The following CAMK1D variants were observed in gnomAD, a reference collection of about 807,000 sequenced individuals.
The protein encoded by CAMK1D is calcium/calmodulin-dependent protein kinase type 1D.
A neutral mutation model predicts 47.7 loss-of-function variants in CAMK1D; 9 were observed. That is an observed-to-expected ratio of 0.19 (90% CI 0.11 to 0.33). The LOEUF is 0.33. Among genes scored for constraint, CAMK1D ranks in the 10% least tolerant of loss-of-function variants. The pLI, the probability that CAMK1D is intolerant of heterozygous loss-of-function variation, is 1.00. For missense variants in CAMK1D, 291 were observed against 488.7 expected, an observed-to-expected ratio of 0.60 and a Z score of 3.81; for synonymous variants, 184 against 184.9, an observed-to-expected ratio of 0.99 and a Z score of 0.04.
intron 2 of CAMK1D, among the ~76,000 whole-genome samples, chr10:12,664,947 C>G (rs77726212): frequency 0.046 from 6,960 of 152,120 alleles, 212 homozygotes; most frequent in Non-Finnish European, 0.066. Flanking sequence ...ACAATTTTTC[C>G]AAAAAGGGAA....
rs574468789 is a variant in CAMK1D at position 12,659,854 on chromosome 10, C to T, written c.225-6882C>T. Among the ~76,000 whole-genome samples the T allele has an allele frequency of 6.6e-5, 10 of 152,262 alleles. No individual in the cohort carries two copies. The South Asian group carries it at 1.0e-3, about 16-fold the overall frequency. ...CCTGGTCCTCTATGGCCTTTGCTTGCGGAGAGAGGCCTTTCCCAGACTAGA... is the reference window on the plus strand; with the variant it reads ...CCTGGTCCTCTATGGCCTTTGCTTGTGGAGAGAGGCCTTTCCCAGACTAGA... On this transcript the variant is annotated intron_variant, in intron 2 of 10. Coordinates refer to ENST00000619168, the MANE Select transcript of CAMK1D (RefSeq NM_153498.4).
chr10:12,759,015 G>T (rs545356261), intron 3 of CAMK1D, among the ~76,000 whole-genome samples: 37 of 152,326 alleles, frequency 2.4e-4, no homozygotes, highest in African/African-American at 8.9e-4. Flanking sequence ...GCATGTAATG[G>T]GCACCCAGGA....
intron 6 of CAMK1D, 98 bp downstream of exon 6, chr10:12,791,331 T>A: frequency 9.3e-7 from 1 of 1,071,520 alleles, no homozygotes; most frequent in South Asian, 1.3e-5. Context: ...AAGGGTACAG[T>A]TTAAGGGTGC....
chr10:12,538,239 G>A (rs1259902062), intron 1 of CAMK1D, among the ~76,000 whole-genome samples: 1 of 152,130 alleles, frequency 6.6e-6, no homozygotes, highest in Admixed American at 6.6e-5. Context: ...CCGTATCATT[G>A]CCTGTGACAT....
At chr10:12,664,806 C>A (rs1840378409) in intron 2 of CAMK1D, among the ~76,000 whole-genome samples, 1 of 152,232 alleles carries the variant, frequency 6.6e-6, no homozygotes, top group Admixed American at 6.5e-5. Context: ...CATGCATTTT[C>A]TCTGGCCACT....
At chr10:12,536,364 C>T (rs1440098023) in intron 1 of CAMK1D, among the ~76,000 whole-genome samples, 3 of 152,132 alleles carry the variant, frequency 2.0e-5, no homozygotes, top group Non-Finnish European at 4.4e-5. Flanking sequence ...CTGCAGCCTC[C>T]GCCTCCCAGG....
chr10:12,694,112 T>TATAAAAA (rs1362070755), intron 3 of CAMK1D, among the ~76,000 whole-genome samples: 1 of 47,746 alleles, frequency 2.1e-5, no homozygotes, highest in African/African-American at 8.2e-5. Context: ...ATATATAATA[T>TATAAAAA]ATATTATGCA....
At chr10:12,637,826 G>C (rs1839552380) in intron 2 of CAMK1D, among the ~76,000 whole-genome samples, 1 of 152,148 alleles carries the variant, frequency 6.6e-6, no homozygotes, top group South Asian at 2.1e-4. Flanking sequence ...GGTGGAGAAG[G>C]GAAGGAGACG....
At chr10:12,494,049 G>A (rs1834465003) in intron 1 of CAMK1D, among the ~76,000 whole-genome samples, 1 of 152,234 alleles carries the variant, frequency 6.6e-6, no homozygotes, top group African/African-American at 2.4e-5. Flanking sequence ...GGTTAATGTA[G>A]TGAACATCTC....
At chr10:12,766,836 C>G (rs1467463589) in intron 4 of CAMK1D, among the ~76,000 whole-genome samples, 1 of 152,152 alleles carries the variant, frequency 6.6e-6, no homozygotes, top group South Asian at 2.1e-4. Flanking sequence ...GACAGGGCTG[C>G]GCAGGCCTGG....
At chr10:12,783,938 A>G (rs1837608996) in intron 5 of CAMK1D, among the ~76,000 whole-genome samples, 1 of 152,158 alleles carries the variant, frequency 6.6e-6, no homozygotes, top group Non-Finnish European at 1.5e-5. Flanking sequence ...GAGAAGGACC[A>G]CATCTCTCCA....
chr10:12,486,760 G>A (rs1458254230), intron 1 of CAMK1D, among the ~76,000 whole-genome samples: 1 of 152,132 alleles, frequency 6.6e-6, no homozygotes, highest in Non-Finnish European at 1.5e-5. Context: ...TTACAGCCCC[G>A]AGGGGCCCAC....
At chr10:12,610,055 T>C (rs946948458) in intron 2 of CAMK1D, among the ~76,000 whole-genome samples, 14 of 152,090 alleles carry the variant, frequency 9.2e-5, no homozygotes, top group African/African-American at 3.4e-4. Flanking sequence ...CTTGGGGCAG[T>C]GTTGGGAGGA....
intron 1 of CAMK1D, among the ~76,000 whole-genome samples, chr10:12,410,430 T>G (rs1024062255): frequency 6.6e-6 from 1 of 152,184 alleles, no homozygotes; most frequent in Non-Finnish European, 1.5e-5. Flanking sequence ...GCCCCCTACC[T>G]CCTGAAGGTG....
chr10:12,424,159 T>G (rs1312909147), intron 1 of CAMK1D, among the ~76,000 whole-genome samples: 3 of 152,120 alleles, frequency 2.0e-5, no homozygotes, highest in African/African-American at 7.2e-5. Context: ...CCAGGCCCTC[T>G]TCTTGAACTC....
At chr10:12,719,130 G>A (rs750923612) in intron 3 of CAMK1D, among the ~76,000 whole-genome samples, 2 of 152,144 alleles carry the variant, frequency 1.3e-5, no homozygotes, top group East Asian at 1.9e-4. Flanking sequence ...TATAGAGGCC[G>A]GGCACAGTGC....
chr10:12,503,234 G>T (rs1241263413), intron 1 of CAMK1D, among the ~76,000 whole-genome samples: 1 of 152,198 alleles, frequency 6.6e-6, no homozygotes, highest in Non-Finnish European at 1.5e-5. Context: ...GTCTGTGTGT[G>T]TTGTGTGTGT....
intron 5 of CAMK1D, among the ~76,000 whole-genome samples, chr10:12,777,118 G>A (rs1282847135): frequency 2.0e-5 from 3 of 152,162 alleles, no homozygotes; most frequent in East Asian, 3.9e-4. Context: ...CGTGAACCGG[G>A]ATAGGCAATG....
At chr10:12,780,328 G>T (rs529244455) in intron 5 of CAMK1D, among the ~76,000 whole-genome samples, 1 of 152,158 alleles carries the variant, frequency 6.6e-6, no homozygotes, top group Non-Finnish European at 1.5e-5. Context: ...AAGGAGGCCT[G>T]TGCCTTTCAC....
Sources: gnomAD v4.1 joint callset for allele counts (sites outside exome capture counted in the v4.1 genomes callset) on GRCh38, gnomAD v4.1.1 for gene constraint, MANE v1.5 for transcripts, NCBI Gene and HGNC (gene_info 2026-07-23, HGNC 2026-07-21) for gene names.